DGKD: variants seen among roughly 807,000 people sequenced by gnomAD.
DGKD encodes the protein diacylglycerol kinase delta.
A neutral mutation model predicts 154.4 loss-of-function variants in DGKD; 68 were observed. That is an observed-to-expected ratio of 0.44 (90% confidence interval 0.36 to 0.54). DGKD has a LOEUF of 0.54. Among genes scored for constraint, DGKD ranks in the 20% least tolerant of loss-of-function variants. DGKD has a pLI of 0.00. For missense variants in DGKD, 1,343 were observed against 1,593.6 expected (o/e 0.84, Z 2.68); for synonymous variants, 693 against 638.0 (o/e 1.09, Z -1.30).
Position 233,362,836 on chromosome 2 carries a change from A to G in DGKD, c.156+8162A>G, listed in dbSNP as rs193100778. 3.1e-4 allele frequency among the ~76,000 whole-genome samples: 47 copies of G among 152,344 alleles called. No homozygotes were observed. The East Asian group carries it at 9.0e-3, about 29-fold the overall frequency. On this transcript the variant is annotated intron_variant, in intron 1 of 29. Transcript: ENST00000264057. ...TCCACATGGACAAAGGTGGTCCCAT[A>G]AGATTATAATGAAGCTGAAAAATTC...
At chr2:233,370,130 C>T (rs1702237144) in intron 1 of DGKD, among the ~76,000 whole-genome samples, 1 of 151,950 alleles carries the variant, frequency 6.6e-6, no homozygotes, top group Non-Finnish European at 1.5e-5. Context: ...GTGAGTCACT[C>T]CTCATTTCCC....
chr2:233,441,892 G>A lies in DGKD; in HGVS notation c.1091G>A (p.Arg364Gln), dbSNP rs2062904449. ...LMNGGPHLGL[R>Q]LFQKFDTFRI... ...CCTTTCTCTTTTCTCTGCAGCTTACGGTTATTCCAGAAGTTTGACACATTC... is the reference window on the plus strand; with the variant it reads ...CCTTTCTCTTTTCTCTGCAGCTTACAGTTATTCCAGAAGTTTGACACATTC... Residue 364 changes from arginine to glutamine, a missense_variant, in exon 10 of 30, where the codon CGG (arginine) becomes CAG (glutamine). Physicochemically the swap from Arg to Gln is conservative, Grantham distance 43. Transcript: ENST00000264057. This position sits in a 1 kb window ranked among gnomAD's most constrained non-coding sequence, Gnocchi z 5.6. 6.2e-7 allele frequency: 1 copy of A among 1,613,550 alleles called. No individual in the cohort carries two copies. The highest frequency in any genetic ancestry group is 8.5e-7 in the Non-Finnish European group (1 of 1,179,480).
intron 25 of DGKD, 91 bp downstream of exon 25, chr2:233,462,550 G>C: frequency 6.6e-7 from 1 of 1,522,562 alleles, no homozygotes; most frequent in Non-Finnish European, 9.1e-7. Context: ...CGCCTCCCCG[G>C]TGCATGTTCG....
Position 233,454,692 on chromosome 2 carries a change from G to A in DGKD, c.2265-71G>A. ...GTTTTCCCCAAGGAAGAGAAATGCT[G>A]AGAGGTTGGGAGTCTGAAATAAGAC... On this transcript the variant is annotated intron_variant, in intron 18 of 29. Transcript: ENST00000264057. The A allele has an allele frequency of 9.2e-6, 8 of 872,428 alleles. No individual in the cohort carries two copies. In the South Asian group the frequency reaches 1.2e-4, roughly 13 times the overall value. 54.0% of individuals were successfully genotyped at this position (872,428 alleles called of 1,614,324 possible).
intron 3 of DGKD, among the ~76,000 whole-genome samples, chr2:233,414,081 G>C (rs2061896851): frequency 6.6e-6 from 1 of 152,174 alleles, no homozygotes; most frequent in Non-Finnish European, 1.5e-5. Context: ...ATGATTCCCT[G>C]ACTGGGAATG....
intron 18 of DGKD, among the ~76,000 whole-genome samples, chr2:233,453,201 T>G (rs2063342907): frequency 6.6e-6 from 1 of 152,168 alleles, no homozygotes; most frequent in Non-Finnish European, 1.5e-5. Flanking sequence ...AAAGCTGTGC[T>G]TTGCTGCCTT....
At chr2:233,443,629 G>A (rs951688497) in intron 10 of DGKD, among the ~76,000 whole-genome samples, 4 of 152,192 alleles carry the variant, frequency 2.6e-5, no homozygotes, top group African/African-American at 7.2e-5. Context: ...TGATTCTGTG[G>A]TGCCTACCCA....
At chr2:233,426,025 C>T (rs2062285307) in intron 3 of DGKD, among the ~76,000 whole-genome samples, 1 of 152,150 alleles carries the variant, frequency 6.6e-6, no homozygotes, top group African/African-American at 2.4e-5. Flanking sequence ...AATCAGTAGA[C>T]CATATTATAA....
Position 233,356,317 on chromosome 2 carries a change from G to T in DGKD, c.156+1643G>T, listed in dbSNP as rs932693738. Among the ~76,000 whole-genome samples, 3 of 152,306 alleles carry T rather than the reference G, an allele frequency of 2.0e-5. No individual in the cohort carries two copies. The East Asian group carries it at 5.8e-4, about 29-fold the overall frequency. On this transcript the variant is annotated intron_variant, in intron 1 of 29. Coordinates refer to ENST00000264057, the MANE Select transcript of DGKD (RefSeq NM_152879.3). Reference sequence around the variant, plus strand: ...TTGGTTAGGGCTGAATTTCGAAGGGGTGGTCCTTTGAGGGGTTTGCTTTTT... The same window carrying T: ...TTGGTTAGGGCTGAATTTCGAAGGGTTGGTCCTTTGAGGGGTTTGCTTTTT...
chr2:233,378,934 G>A (rs1403241149), intron 1 of DGKD, among the ~76,000 whole-genome samples: 1 of 152,212 alleles, frequency 6.6e-6, no homozygotes, highest in African/African-American at 2.4e-5. Flanking sequence ...GGGAGGCTGA[G>A]ATGGGAGGAT....
In DGKD at chr2:233,450,056, A is replaced by T. The variant is rs1467291357; in HGVS notation, c.1963A>T (p.Met655Leu). 7 of 1,613,860 alleles carry T rather than the reference A, an allele frequency of 4.3e-6. No individual in the cohort carries two copies. The South Asian group carries it at 5.5e-5, about 13-fold the overall frequency. Residue 655 changes from methionine (M) to leucine (L), a missense_variant, in exon 16 of 30, where the codon ATG (methionine) becomes TTG (leucine). Transcript: ENST00000264057. ...VLGLSESEEK[M>L]DHRVCPPLSH... The stretch of plus-strand genomic sequence containing the variant: ...GGGCCTCTCTGAGTCAGAGGAGAAG[A>T]TGGACCACAGAGTGTGCCCACCACT...
rs1011114281 is a variant in DGKD at position 233,437,311 on chromosome 2, A to G, written c.820-66A>G. 1.2e-4 allele frequency: 180 copies of G among 1,446,580 alleles called. 1 individual carries two copies. In the East Asian group the frequency reaches 4.1e-3, roughly 33 times the overall value. 89.6% of individuals were successfully genotyped at this position (1,446,580 alleles called of 1,614,324 possible). A position where few individuals can be genotyped will look rare whatever the true frequency, so the allele number is the denominator to read the frequency against. ...GAGGCCAGCTCATCAGCTACAGGGC[A>G]GGAGGATTTCTGGTGTGTGTGAAGG... On this transcript the variant is annotated intron_variant, in intron 7 of 29. Transcript: ENST00000264057.
intron 1 of DGKD, among the ~76,000 whole-genome samples, chr2:233,370,072 C>T (rs374364313): frequency 2.0e-5 from 3 of 152,132 alleles, no homozygotes; most frequent in Admixed American, 6.5e-5. Flanking sequence ...TCACCTCTAT[C>T]TAGTTTGGGA....
chr2:233,437,997 T>G (rs1413327204), intron 8 of DGKD, among the ~76,000 whole-genome samples: 5 of 152,160 alleles, frequency 3.3e-5, no homozygotes, highest in African/African-American at 1.2e-4. Context: ...AAGGTGGCAT[T>G]TGGACAGCTT....
intron 3 of DGKD, chr2:233,429,103 C>G: frequency 1.0e-6 from 1 of 985,126 alleles, no homozygotes; most frequent in Non-Finnish European, 1.2e-6. Flanking sequence ...TACACCCTCT[C>G]CTTCAGTGTG....
At position 233,467,344 on chromosome 2, in the gene DGKD, C is replaced by T. The variant is rs1179633177; in HGVS notation, c.3424+141C>T. The T allele has an allele frequency of 4.3e-6, 3 of 699,824 alleles. No individual in the cohort carries two copies. The African/African-American group carries it at 5.3e-5, about 12-fold the overall frequency. 43.4% of individuals were successfully genotyped at this position (699,824 alleles called of 1,614,324 possible). ...GCTGTAACCCCCGGTCCTGCGACCA[C>T]ACTTGTCTGTTGGTAGCTGCAGCCC... is the stretch of plus-strand genomic sequence containing the variant. On this transcript the variant is annotated intron_variant, in intron 28 of 29. Transcript: ENST00000264057.
intron 3 of DGKD, among the ~76,000 whole-genome samples, chr2:233,424,914 A>G (rs1344422135): frequency 6.6e-6 from 1 of 152,122 alleles, no homozygotes; most frequent in African/African-American, 2.4e-5. Context: ...TTGAGAAATC[A>G]CGTCTGCATG....
At position 233,434,464 on chromosome 2, in the gene DGKD, C is replaced by G. The variant is rs1350597200; in HGVS notation, c.433C>G (p.Gln145Glu). The part of the protein sequence containing the change: ...EDWIAALKTV[Q>E]NREHFEPTQY... ...TTGGATTGCAGCATTAAAGACTGTG[C>G]AGAACAGGGAGCACTTTGAGGTTAA... is the stretch of plus-strand genomic sequence containing the variant. Residue 145 changes from glutamine to glutamate, a missense_variant, in exon 4 of 30, where the codon CAG becomes GAG. Transcript: ENST00000264057. 1 of 1,613,958 alleles carries G rather than the reference C, an allele frequency of 6.2e-7. No individual in the cohort carries two copies. The highest frequency in any genetic ancestry group is 1.3e-5 in the African/African-American group (1 of 74,928).
At chr2:233,424,580 C>G (rs1273511775) in intron 3 of DGKD, among the ~76,000 whole-genome samples, 1 of 152,178 alleles carries the variant, frequency 6.6e-6, no homozygotes, top group East Asian at 1.9e-4. Flanking sequence ...GTGGTGAGTG[C>G]CAGTTGCTTC....
Sources: gnomAD v4.1 joint callset for allele counts (sites outside exome capture counted in the v4.1 genomes callset) on GRCh38, gnomAD v4.1.1 for gene constraint, Gnocchi (gnomAD v3.1) non-coding constraint, MANE v1.5 for transcripts, NCBI Gene and HGNC (gene_info 2026-07-23, HGNC 2026-07-21) for gene names.